Variants in LRRC7 observed in about 807,000 individuals in gnomAD.
LRRC7 encodes the protein leucine rich repeat containing 7.
Under a neutral mutation model 175.7 loss-of-function variants are expected in LRRC7, and 23 were observed. The ratio of observed to expected loss-of-function variants is 0.13; its 90% CI spans 0.09 to 0.19. LRRC7 has a LOEUF of 0.19. LRRC7 is among the 10% of genes least tolerant of loss of function. LRRC7 has a pLI of 1.00. For synonymous variants in LRRC7, 685 were observed against 680.9 expected (o/e 1.01, Z -0.09); for missense variants, 1,354 against 1,904.7 (o/e 0.71, Z 5.38).
intron 2 of LRRC7, among the ~76,000 whole-genome samples, chr1:69,754,750 A>G (rs1670218128): frequency 6.6e-6 from 1 of 152,094 alleles, no homozygotes; most frequent in African/African-American, 2.4e-5. Flanking sequence ...TGCATGTGAC[A>G]TACAACTTCT....
chr1:70,019,694 A>AT (rs1214671220), intron 15 of LRRC7, among the ~76,000 whole-genome samples: 3 of 151,926 alleles, frequency 2.0e-5, no homozygotes, highest in African/African-American at 7.2e-5. Context: ...ATTTTAGGAT[A>AT]TTTTTCTTTA....
At chr1:69,765,447 A>G (rs969141428) in intron 3 of LRRC7, among the ~76,000 whole-genome samples, 2 of 152,202 alleles carry the variant, frequency 1.3e-5, no homozygotes, top group South Asian at 2.1e-4. Context: ...TTTCCACCCA[A>G]TGCAGAATCA....
intron 7 of LRRC7, among the ~76,000 whole-genome samples, chr1:69,926,760 CA>C (rs1316722078): frequency 6.6e-6 from 1 of 152,112 alleles, no homozygotes; most frequent in Non-Finnish European, 1.5e-5. Context: ...ACTCTTTATC[CA>C]ATTTGCCAGT....
intron 3 of LRRC7, among the ~76,000 whole-genome samples, chr1:69,774,562 G>A (rs1672604996): frequency 6.6e-6 from 1 of 152,098 alleles, no homozygotes; most frequent in Non-Finnish European, 1.5e-5. Flanking sequence ...AGAAAAGTGA[G>A]GTGATTTATA....
At chr1:69,958,719 G>A (rs985180568) in intron 8 of LRRC7, among the ~76,000 whole-genome samples, 8 of 151,926 alleles carry the variant, frequency 5.3e-5, no homozygotes, top group African/African-American at 1.7e-4. Flanking sequence ...TGAAGTGACC[G>A]CAAAACACAT....
intron 7 of LRRC7, among the ~76,000 whole-genome samples, chr1:69,891,292 T>C (rs12727806): frequency 0.41 from 62,141 of 152,084 alleles, 13,557 homozygotes; most frequent in East Asian, 0.55. Flanking sequence ...TCTCAGGGAA[T>C]AGAGATCCCA....
At chr1:69,600,194 A>G (rs980089282) in intron 1 of LRRC7, among the ~76,000 whole-genome samples, 3 of 152,210 alleles carry the variant, frequency 2.0e-5, no homozygotes, top group African/African-American at 4.8e-5. Flanking sequence ...ATGTATTAGT[A>G]TAATACATTT....
At chr1:69,996,110 A>G (rs1024822862) in intron 11 of LRRC7, among the ~76,000 whole-genome samples, 1 of 151,166 alleles carries the variant, frequency 6.6e-6, no homozygotes, top group Admixed American at 6.6e-5. Context: ...CTGGTGTGAG[A>G]TGGTATCTCA....
chr1:69,741,199 A>G (rs1668669784), intron 2 of LRRC7, among the ~76,000 whole-genome samples: 1 of 151,932 alleles, frequency 6.6e-6, no homozygotes, highest in Admixed American at 6.6e-5. Flanking sequence ...TGGCAGATAA[A>G]ATATACAATG....
intron 7 of LRRC7, among the ~76,000 whole-genome samples, chr1:69,881,889 A>C (rs1686646087): frequency 6.6e-6 from 1 of 150,990 alleles, no homozygotes; most frequent in Admixed American, 6.6e-5. Flanking sequence ...CCAGATTAAA[A>C]AAAAAAAAAA....
intron 8 of LRRC7, among the ~76,000 whole-genome samples, chr1:69,945,066 A>G (rs965916836): frequency 3.9e-4 from 60 of 152,080 alleles, no homozygotes; most frequent in African/African-American, 1.4e-3. Flanking sequence ...GGTTATATCC[A>G]AAGAGTCTTT....
chr1:70,097,669 A>T (rs552348366), intron 25 of LRRC7, among the ~76,000 whole-genome samples: 41 of 142,800 alleles, frequency 2.9e-4, no homozygotes, highest in African/African-American at 1.1e-3. Context: ...TGTCCATGTG[A>T]TCTCATTGTT....
chr1:69,934,494 C>CGGGGG (rs573858643), intron 8 of LRRC7, among the ~76,000 whole-genome samples: 5 of 46,540 alleles, frequency 1.1e-4, no homozygotes, highest in African/African-American at 4.0e-4. Flanking sequence ...GATATTTTGG[C>CGGGGG]GGGGGGGGGG....
intron 8 of LRRC7, among the ~76,000 whole-genome samples, chr1:69,952,596 T>C (rs1180768738): frequency 6.6e-6 from 1 of 152,114 alleles, no homozygotes; most frequent in Non-Finnish European, 1.5e-5. Flanking sequence ...ATTTTTGTCT[T>C]ATGTTAATAA....
At chr1:69,866,786 G>T (rs1355689907) in intron 7 of LRRC7, among the ~76,000 whole-genome samples, 1 of 152,076 alleles carries the variant, frequency 6.6e-6, no homozygotes, top group Non-Finnish European at 1.5e-5. Context: ...CACTGCCAAG[G>T]CTCCATTAAA....
intron 7 of LRRC7, among the ~76,000 whole-genome samples, chr1:69,924,754 A>G (rs1647007144): frequency 6.6e-6 from 1 of 152,196 alleles, no homozygotes; most frequent in Admixed American, 6.5e-5. Flanking sequence ...AACAGGGACA[A>G]TTTGACTTCC....
chr1:69,587,854 C>T (rs182735074), intron 1 of LRRC7, among the ~76,000 whole-genome samples: 199 of 152,296 alleles, frequency 1.3e-3, no homozygotes, highest in African/African-American at 4.3e-3. Context: ...TTCCTGAGGC[C>T]TCCCAGCCAT....
chr1:69,600,222 A>G (rs1001230724), intron 1 of LRRC7, among the ~76,000 whole-genome samples: 5 of 152,158 alleles, frequency 3.3e-5, no homozygotes, highest in African/African-American at 9.7e-5. Context: ...TTAATGAACT[A>G]TTATTGAGAT....
At chr1:69,694,467 G>C (rs1273217753) in intron 2 of LRRC7, among the ~76,000 whole-genome samples, 2 of 151,924 alleles carry the variant, frequency 1.3e-5, no homozygotes, top group Non-Finnish European at 2.9e-5. Flanking sequence ...ATTCCACACT[G>C]CTCTCTGAAT....
Sources: allele counts gnomAD v4.1 joint callset (sites outside exome capture counted in the v4.1 genomes callset), GRCh38; gene constraint gnomAD v4.1.1; transcripts MANE v1.5; gene names NCBI Gene and HGNC (gene_info 2026-07-23, HGNC 2026-07-21).